JCAD: variants seen among roughly 807,000 people sequenced by gnomAD.
The protein encoded by JCAD is junctional cadherin 5 associated.
A neutral mutation model predicts 98.0 loss-of-function variants in JCAD; 40 were observed. The ratio of observed to expected loss-of-function variants is 0.41; its 90% CI spans 0.32 to 0.53. JCAD has a LOEUF of 0.53. Among genes scored for constraint, JCAD ranks in the 20% least tolerant of loss-of-function variants. The pLI is 0.31. For missense variants in JCAD, 1,705 were observed against 1,738.1 expected, an observed-to-expected ratio of 0.98 and a Z score of 0.34; for synonymous variants, 691 against 682.3, an observed-to-expected ratio of 1.01 and a Z score of -0.20.
chr10:30,034,090 G>A (rs1338080363), intron 2 of JCAD, among the ~76,000 whole-genome samples: 1 of 152,000 alleles, frequency 6.6e-6, no homozygotes, highest in Non-Finnish European at 1.5e-5. Flanking sequence ...GGGTGTGGTG[G>A]CGGGCATCTG....
intron 1 of JCAD, among the ~76,000 whole-genome samples, chr10:30,112,733 G>A (rs7100631): frequency 0.064 from 9,701 of 151,944 alleles, 338 homozygotes; most frequent in South Asian, 0.11. Flanking sequence ...TTAGCCAGGC[G>A]TGGTGGCACA....
intron 1 of JCAD, among the ~76,000 whole-genome samples, chr10:30,095,376 A>G (rs1386312285): frequency 6.6e-6 from 1 of 152,168 alleles, no homozygotes; most frequent in African/African-American, 2.4e-5. Context: ...TATTGTTCTA[A>G]ATTAATTCCT....
chr10:30,043,280 G>GT (rs904643139), intron 2 of JCAD, among the ~76,000 whole-genome samples: 7 of 150,678 alleles, frequency 4.6e-5, no homozygotes, highest in African/African-American at 7.3e-5. Flanking sequence ...TTTGTGTTTT[G>GT]TTTTTTTTAA....
intron 1 of JCAD, among the ~76,000 whole-genome samples, chr10:30,071,709 C>CG (rs1837894168): frequency 6.6e-6 from 1 of 151,898 alleles, no homozygotes; most frequent in South Asian, 2.1e-4. Flanking sequence ...ACCTGGGGGG[C>CG]GGAGGTTGCA....
chr10:30,047,205 C>G (rs1837355950), intron 2 of JCAD, among the ~76,000 whole-genome samples: 1 of 152,040 alleles, frequency 6.6e-6, no homozygotes, highest in Non-Finnish European at 1.5e-5. Flanking sequence ...AACCCCGTCT[C>G]TACTAAAAAT....
At chr10:30,106,203 A>G (rs188214821) in intron 1 of JCAD, among the ~76,000 whole-genome samples, 6 of 152,280 alleles carry the variant, frequency 3.9e-5, no homozygotes, top group Admixed American at 1.3e-4. Context: ...TGGGAGGATC[A>G]CTTGATGCCG....
Position 30,029,240 on chromosome 10 carries a change from T to G in JCAD, c.908A>C (p.Gln303Pro). The G allele has an allele frequency of 6.2e-7, 1 of 1,614,106 alleles. No homozygotes were observed. Among genetic ancestry groups the G allele is most frequent in the Non-Finnish European group, 8.5e-7 (1 of 1,180,020 alleles). Residue 303 changes from glutamine (Q) to proline (P), a missense_variant, in exon 3 of 4, where the codon CAG (glutamine) becomes CCG (proline). Gln to Pro is a moderately conservative substitution (Grantham distance 76). Coordinates refer to ENST00000375377, the MANE Select transcript of JCAD (RefSeq NM_020848.4). ...LKPPSYSSHQ[Q>P]SRGGADSSDS... ...ACTGCTGTCCGCTCCTCCCCTAGAC[T>G]GCTGGTGCGAGCTGTAAGATGGGGG...
At position 30,088,973 on chromosome 10, in the gene JCAD, A is replaced by G. The variant is rs1380278602; in HGVS notation, n.129-19152T>C. Among the ~76,000 whole-genome samples the G allele has an allele frequency of 4.6e-5, 7 of 152,154 alleles. 1 individual carries two copies. Among genetic ancestry groups the G allele is most frequent in the Non-Finnish European group, 1.0e-4 (7 of 68,032 alleles). Reference sequence around the variant, plus strand: ...AGCCTGGGCGACAGAGCGAGATGCCATCTCAAAAAATAAATAAATAATGCA... The same window carrying G: ...AGCCTGGGCGACAGAGCGAGATGCCGTCTCAAAAAATAAATAAATAATGCA... On this transcript the variant is annotated intron_variant and non_coding_transcript_variant, in intron 1 of 2. Coordinates refer to the JCAD transcript ENST00000465712.
At chr10:30,020,528 C>T (rs976497253) in intron 3 of JCAD, among the ~76,000 whole-genome samples, 7 of 152,070 alleles carry the variant, frequency 4.6e-5, no homozygotes, top group African/African-American at 1.7e-4. Flanking sequence ...ATGACTGAGA[C>T]AGCATTCAGA....
rs185212692 is a variant in JCAD, at chr10:30,087,480, G to A, written n.129-17659C>T. ...GTAAAAATAAAAAATAAAAAAGTCT[G>A]GGAGAAGGAGCTGAACACAGTCTAG... On this transcript the variant is annotated intron_variant and non_coding_transcript_variant, in intron 1 of 2. Coordinates refer to the JCAD transcript ENST00000465712. Among the ~76,000 whole-genome samples, 17 of 152,230 alleles carry A rather than the reference G, an allele frequency of 1.1e-4. No homozygotes were observed. In the East Asian group the frequency reaches 2.9e-3, roughly 26 times the overall value.
intron 2 of JCAD, among the ~76,000 whole-genome samples, chr10:30,030,932 C>T (rs10826751): frequency 0.54 from 79,243 of 146,000 alleles, 23,544 homozygotes; most frequent in African/African-American, 0.81. Flanking sequence ...GCATCCGAGA[C>T]TCTCCAAGTG....
Position 30,028,234 on chromosome 10 carries a change from T to C in JCAD, c.1914A>G (p.Thr638=), listed in dbSNP as rs1449431454. 1 of 1,614,182 alleles carries C rather than the reference T, an allele frequency of 6.2e-7. No individual in the cohort carries two copies. Among genetic ancestry groups the C allele is most frequent in the South Asian group, 1.1e-5 (1 of 91,076 alleles). The change falls in exon 3 of 4, where the codon ACA becomes ACG. Residue 638 remains threonine, a synonymous_variant. Transcript: ENST00000375377. ...ACTCCGTTCTCCCACCCATGCTTCC[T>C]GTGAGGGCCTGCAGCTCCAGGTCGG... ...SSTDLELQAL[T]GSMGGRTEFQ...
At chr10:30,108,847 A>G (rs1838636496) in intron 1 of JCAD, among the ~76,000 whole-genome samples, 1 of 151,678 alleles carries the variant, frequency 6.6e-6, no homozygotes, top group Non-Finnish European at 1.5e-5. Flanking sequence ...TACGTGCTCA[A>G]GATTAAAAAA....
chr10:30,047,958 A>T (rs1837389213), intron 1 of JCAD, 87 bp from the exon 2 acceptor site: 3 of 742,180 alleles, frequency 4.0e-6, no homozygotes, highest in African/African-American at 3.5e-5. Context: ...CCCCCACCAA[A>T]CCAGACCATG....
chr10:30,093,111 A>C (rs1838312485), intron 1 of JCAD, among the ~76,000 whole-genome samples: 2 of 152,188 alleles, frequency 1.3e-5, no homozygotes, highest in South Asian at 4.1e-4. Context: ...GGAATTCAAA[A>C]TTTGCAGATA....
At chr10:30,071,880 C>T (rs1156444458) in intron 1 of JCAD, among the ~76,000 whole-genome samples, 1 of 152,128 alleles carries the variant, frequency 6.6e-6, no homozygotes, top group African/African-American at 2.4e-5. Context: ...GACACTAATA[C>T]ATTATTGCTT....
At chr10:30,069,621 A>G (rs894776917) in intron 2 of JCAD, 1 of 134,670 alleles carries the variant, frequency 7.4e-6, no homozygotes, top group Admixed American at 7.4e-5. Context: ...CCAAAAAAAA[A>G]CACTGTATTA....
intron 3 of JCAD, among the ~76,000 whole-genome samples, chr10:30,025,563 G>GGGAGGGGAGGGGAGA (rs1836772871): frequency 7.9e-6 from 1 of 126,830 alleles, no homozygotes. Flanking sequence ...GGGAGGGGAG[G>GGGAGGGGAGGGGAGA]GGAGGGGAGG....
At chr10:30,089,934 A>C (rs7078436) in intron 1 of JCAD, among the ~76,000 whole-genome samples, 1 of 152,164 alleles carries the variant, frequency 6.6e-6, no homozygotes, top group East Asian at 1.9e-4. Context: ...TCCCAATTAC[A>C]TTGGTGAAAA....
Sources: gnomAD v4.1 joint callset for allele counts (sites outside exome capture counted in the v4.1 genomes callset) on GRCh38, gnomAD v4.1.1 for gene constraint, MANE v1.5 for transcripts, NCBI Gene and HGNC (gene_info 2026-07-23, HGNC 2026-07-21) for gene names.